Variants in CDHR5 observed in about 807,000 individuals in gnomAD.
CDHR5 encodes cadherin-related family member 5.
CDHR5 carries 82 observed loss-of-function variants against 69.5 expected under a neutral mutation model. The observed-to-expected ratio is 1.18, with a 90% confidence interval of 0.99 to 1.42. The LOEUF is 1.42. CDHR5 is among the 40% of genes most tolerant of loss of function. The pLI is 0.00. For synonymous variants in CDHR5, 601 were observed against 510.2 expected (o/e 1.18, Z -2.40); for missense variants, 1,293 against 1,168.9 (o/e 1.11, Z -1.55).
Position 617,367 on chromosome 11 carries a change from T to C in CDHR5, c.2522A>G (p.Asp841Gly), listed in dbSNP as rs1201924026. The change falls in exon 15 of 15, where the codon GAT (aspartate) becomes GGT (glycine). Residue 841 changes from aspartate (D) to glycine (G), a missense_variant. Asp to Gly is a moderately conservative substitution (Grantham distance 94, BLOSUM62 -1). Transcript: ENST00000397542. Reference protein sequence around the residue: ...GGGPYDAPGGDDSYI With the variant: ...GGGPYDAPGGGDSYI The stretch of plus-strand genomic sequence containing the variant: ...AGGGGCCACTTAGATGTAGGAGTCA[T>C]CACCACCGGGCGCATCGTAGGGACC... 3.7e-6 allele frequency: 6 copies of C among 1,606,136 alleles called. No individual in the cohort carries two copies. In the South Asian group the frequency reaches 6.6e-5, roughly 18 times the overall value.
In CDHR5 at chr11:618,004, C is replaced by G. The variant is rs777565045; in HGVS notation, c.2068G>C (p.Val690Leu). 7.4e-6 allele frequency: 12 copies of G among 1,612,266 alleles called. No individual in the cohort carries two copies. In the Admixed American group the frequency reaches 2.0e-4, roughly 27 times the overall value. ...LLALLGLAVL[V>L]HKHYGPRLKC... is the part of the protein sequence containing the mutation. ...AGCCGGGGGCCATAGTGCTTGTGGA[C>G]AAGGACGGCGAGGCCAAGGAGAGCC... Residue 690 changes from valine to leucine, a missense_variant, in exon 14 of 15, where the codon GTC becomes CTC. Val to Leu is a conservative substitution (Grantham distance 32). Coordinates refer to ENST00000397542, the MANE Select transcript of CDHR5 (RefSeq NM_021924.5).
At chr11:623,037 G>T (rs118094432) in intron 3 of CDHR5, among the ~76,000 whole-genome samples, 21 of 151,868 alleles carry the variant, frequency 1.4e-4, no homozygotes, top group Admixed American at 3.9e-4. Flanking sequence ...AGCCGGGCAC[G>T]GTGGCTCACA....
Position 621,170 on chromosome 11 carries a change from C to T in CDHR5, c.699G>A (p.Arg233=). The change falls in exon 7 of 15, where the codon CGG becomes CGA. Residue 233 remains arginine (R), a synonymous_variant. Transcript: ENST00000397542. The surrounding 1 kb of genome is among the most constrained non-coding windows in gnomAD (Gnocchi z 4.4). Reference sequence around the variant, plus strand: ...AGGTGCAGGGCAGGAACCACGGGGGCCGCAGGTCGGCGGGCACCACGTTCA... The same window carrying T: ...AGGTGCAGGGCAGGAACCACGGGGGTCGCAGGTCGGCGGGCACCACGTTCA... ...LVLNVVPADL[R]PPWFLPCTFS... The T allele has an allele frequency of 6.2e-7, 1 of 1,605,456 alleles. No individual in the cohort carries two copies. Among genetic ancestry groups the T allele is most frequent in the Non-Finnish European group, 8.5e-7 (1 of 1,175,584 alleles).
At chr11:617,914 C>G (rs763459526) in intron 14 of CDHR5, 40 bp downstream of exon 14, 2 of 1,597,934 alleles carry the variant, frequency 1.3e-6, no homozygotes, top group African/African-American at 2.7e-5. Flanking sequence ...CCCCCACTTC[C>G]TGCCTGGTCG....
intron 3 of CDHR5, among the ~76,000 whole-genome samples, chr11:622,898 T>C (rs1324724861): frequency 2.0e-5 from 3 of 152,304 alleles, no homozygotes; most frequent in East Asian, 1.9e-4. Context: ...TTTTTAACAA[T>C]TGTTTGTTTG....
chr11:624,473 C>G lies in CDHR5; in HGVS notation c.261+84G>C. The G allele has an allele frequency of 7.1e-7, 1 of 1,403,156 alleles. No homozygotes were observed. Among genetic ancestry groups the G allele is most frequent in the Non-Finnish European group, 1.0e-6 (1 of 989,830 alleles). 86.9% of individuals were successfully genotyped at this position (1,403,156 alleles called of 1,614,324 possible). ...GTGGATGCCCGCAGGCATAGAACTC[C>G]TAGGCCCCCAAGGGAGGTGTGGCCT... is the stretch of plus-strand genomic sequence containing the variant. On this transcript the variant is annotated intron_variant, in intron 2 of 14. Coordinates refer to ENST00000397542, the MANE Select transcript of CDHR5 (RefSeq NM_021924.5). The surrounding 1 kb of genome is among the most constrained non-coding windows in gnomAD (Gnocchi z 5.3).
Position 620,183 on chromosome 11 carries a change from T to C in CDHR5, c.881-19A>G. ...ACGTTTCCTGGGAGGATGATGGAAG[T>C]GCTCAGCCCCGGCCCCCTGAGGCCC... On this transcript the variant is annotated intron_variant, in intron 8 of 14. Coordinates refer to ENST00000397542, the MANE Select transcript of CDHR5 (RefSeq NM_021924.5). 1.4e-5 allele frequency: 22 copies of C among 1,606,244 alleles called. No homozygotes were observed. The highest frequency in any genetic ancestry group is 1.9e-5 in the Non-Finnish European group (22 of 1,173,828).
chr11:619,476 C>T lies in CDHR5; in HGVS notation c.1291G>A (p.Glu431Lys), dbSNP rs752308628. 1.2e-6 allele frequency: 2 copies of T among 1,612,194 alleles called. No individual in the cohort carries two copies. The highest frequency in any genetic ancestry group is 3.3e-5 in the Admixed American group (2 of 60,008). ...TLAQAGAFYAEVEAHNTVTSG... is the reference protein window; with the variant it reads ...TLAQAGAFYAKVEAHNTVTSG... Reference sequence around the variant, plus strand: ...TGCCCGCCTGCCCTGCCCCGCACCTCTGCGTAGAAGGCTCCCGCCTGTGCC... The same window carrying T: ...TGCCCGCCTGCCCTGCCCCGCACCTTTGCGTAGAAGGCTCCCGCCTGTGCC... The change falls in exon 11 of 15, where the codon GAG (glutamate) becomes AAG (lysine). Residue 431 changes from glutamate to lysine, a missense_variant and splice_region_variant. Glu to Lys is a moderately conservative substitution (Grantham distance 56, BLOSUM62 1). Coordinates refer to ENST00000397542, the MANE Select transcript of CDHR5 (RefSeq NM_021924.5).
intron 13 of CDHR5, among the ~76,000 whole-genome samples, chr11:618,342 G>A (rs1166904226): frequency 1.3e-5 from 2 of 152,214 alleles, no homozygotes; most frequent in African/African-American, 2.4e-5. Context: ...CACAAGAGGT[G>A]CAGGGACTTG....
chr11:618,178 A>C, intron 13 of CDHR5, 67 bp from the exon 14 acceptor site: 2 of 1,349,684 alleles, frequency 1.5e-6, no homozygotes, highest in East Asian at 4.7e-5. Flanking sequence ...TCCCATGCCA[A>C]CCTGTGCCAG....
In CDHR5 at chr11:618,170, C is replaced by T; in HGVS notation, c.1961-59G>A. ...CACTGTTGAGTGCCCCAGGCATTTC[C>T]CATGCCAACCTGTGCCAGGCTTGGG... On this transcript the variant is annotated intron_variant, in intron 13 of 14. Transcript: ENST00000397542. 3.5e-6 allele frequency: 5 copies of T among 1,443,150 alleles called. No individual in the cohort carries two copies. In the South Asian group the frequency reaches 6.3e-5, roughly 18 times the overall value. The allele number at this position is 1,443,150 out of a possible 1,614,324, so 89.4% of individuals were successfully genotyped here.
Position 624,888 on chromosome 11 carries a change from G to A in CDHR5, c.15C>T (p.Ala5=). Residue 5 remains alanine, a synonymous_variant, in exon 1 of 15, where the codon GCC becomes GCT. Transcript: ENST00000397542. This position sits in a 1 kb window ranked among gnomAD's most constrained non-coding sequence, Gnocchi z 5.3. The stretch of plus-strand genomic sequence containing the variant: ...TGAACAGCAGGGGAGGCCACAGCAG[G>A]GCCCAAGACCCCATCTTGGCGGCTG... MGSW[A]LLWPPLLFTG... The A allele has an allele frequency of 6.4e-7, 1 of 1,561,238 alleles. No homozygotes were observed. The highest frequency in any genetic ancestry group is 8.7e-7 in the Non-Finnish European group (1 of 1,156,046).
rs934250497 is a variant in CDHR5 at position 621,970 on chromosome 11, C to T, written c.313-66G>A. ...CGTTGTGAGGTGCACCCCTCGACGG[C>T]TATCCGTCCCCACCGTGAGTGAGGT... On this transcript the variant is annotated intron_variant, in intron 3 of 14. Coordinates refer to ENST00000397542, the MANE Select transcript of CDHR5 (RefSeq NM_021924.5). The surrounding 1 kb of genome is among the most constrained non-coding windows in gnomAD (Gnocchi z 4.4). 3.9e-6 allele frequency: 5 copies of T among 1,278,354 alleles called. No homozygotes were observed. The highest frequency in any genetic ancestry group is 5.6e-6 in the Non-Finnish European group (5 of 900,336). The allele number at this position is 1,278,354 out of a possible 1,614,324, so 79.2% of individuals were successfully genotyped here.
chr11:619,638 C>T (rs1230668900), intron 10 of CDHR5, 43 bp downstream of exon 10: 10 of 1,610,112 alleles, frequency 6.2e-6, no homozygotes, highest in African/African-American at 1.3e-5. Context: ...CACGTACAGC[C>T]CTGACCCACC....
In CDHR5 at chr11:619,096, GAGGGCTC is replaced by G; in HGVS notation, c.1456_1462del (p.Glu486ProfsTer23). 6.2e-7 allele frequency: 1 copy of G among 1,610,330 alleles called. No homozygotes were observed. The highest frequency in any genetic ancestry group is 1.1e-5 in the South Asian group (1 of 91,026). On this transcript the variant is annotated frameshift_variant, in exon 13 of 15. Coordinates refer to ENST00000397542, the MANE Select transcript of CDHR5 (RefSeq NM_021924.5). LOFTEE classifies it high-confidence loss of function. ...AGAGCTGGTCGTGGAGGGTCCCTGG[GAGGGCTC>G]AGGGGGTCTGGGGACCTCGGAAGTG...
chr11:618,375 A>T (rs1857112622), intron 13 of CDHR5, among the ~76,000 whole-genome samples: 1 of 152,214 alleles, frequency 6.6e-6, no homozygotes. Flanking sequence ...CAGCCGTGGG[A>T]ATCGTGGGAT....
Position 621,658 on chromosome 11 carries a change from C to A in CDHR5, c.411G>T (p.Thr137=). 6.2e-7 allele frequency: 1 copy of A among 1,612,092 alleles called. No individual in the cohort carries two copies. Among genetic ancestry groups the A allele is most frequent in the South Asian group, 1.1e-5 (1 of 91,028 alleles). ...KTKEIRVEED[T]KVNSTVIPET... ...CGGGGATGACGGTGGAGTTCACTTT[C>A]GTGTCCTGGGGAGGGAGAGGGGCTT... Residue 137 remains threonine, a synonymous_variant, in exon 5 of 15, where the codon ACG becomes ACT. Coordinates refer to ENST00000397542, the MANE Select transcript of CDHR5 (RefSeq NM_021924.5). The surrounding 1 kb of genome is among the most constrained non-coding windows in gnomAD (Gnocchi z 4.4).
Position 618,779 on chromosome 11 carries a change from G to T in CDHR5, c.1780C>A (p.Pro594Thr), listed in dbSNP as rs752309553. 1 of 1,608,830 alleles carries T rather than the reference G, an allele frequency of 6.2e-7. No individual in the cohort carries two copies. The highest frequency in any genetic ancestry group is 8.5e-7 in the Non-Finnish European group (1 of 1,179,034). ...GCTGTGCCCCCACCGGGTGTGGCTG[G>T]TTGGTGGGAGGTGCTGGTTCCCATA... ...PSMGTSTSHQ[P>T]ATPGGGTAQT... The change falls in exon 13 of 15, where the codon CCA (proline) becomes ACA (threonine). Residue 594 changes from proline to threonine, a missense_variant. Transcript: ENST00000397542.
chr11:620,481 G>A (rs1382043460), intron 7 of CDHR5, 95 bp from the exon 8 acceptor site: 1 of 848,952 alleles, frequency 1.2e-6, no homozygotes, highest in Non-Finnish European at 1.9e-6. Context: ...AGGGTTGGCT[G>A]AGGAGGGGCC....
Sources: allele counts gnomAD v4.1 joint callset (sites outside exome capture counted in the v4.1 genomes callset), GRCh38; gene constraint gnomAD v4.1.1; non-coding constraint Gnocchi (gnomAD v3.1); transcripts MANE v1.5; gene names NCBI Gene and HGNC (gene_info 2026-07-23, HGNC 2026-07-21).